Variants in ABLIM2 observed in about 807,000 individuals in gnomAD.
ABLIM2 encodes actin binding LIM protein family member 2.
Under a neutral mutation model 97.7 loss-of-function variants are expected in ABLIM2, and 53 were observed. The ratio of observed to expected loss-of-function variants is 0.54; its 90% CI spans 0.44 to 0.68. The LOEUF (loss-of-function observed/expected upper bound fraction) is 0.68. Ranked by LOEUF, ABLIM2 falls within the 30% of genes least tolerant of loss-of-function variation. The pLI, the probability that ABLIM2 is intolerant of heterozygous loss-of-function variation, is 0.00. For synonymous variants in ABLIM2, 361 were observed against 345.8 expected (o/e 1.04, Z -0.49); for missense variants, 835 against 867.2 (o/e 0.96, Z 0.47).
rs72541884 is a variant in ABLIM2 at position 8,124,599 on chromosome 4, G to A, written c.11-17962C>T. Among the ~76,000 whole-genome samples, 3 of 152,278 alleles carry A rather than the reference G, an allele frequency of 2.0e-5. No homozygotes were observed. The East Asian group carries it at 5.8e-4, about 29-fold the overall frequency. On this transcript the variant is annotated intron_variant, in intron 1 of 20. Transcript: ENST00000447017. This position sits in a 1 kb window ranked among gnomAD's most constrained non-coding sequence, Gnocchi z 6.1. ...TGGGCGTCAGTGCCTCTTTCCTTTT[G>A]ATGGCTGAGAAATATTCCGTTGTAC... is the stretch of plus-strand genomic sequence containing the variant.
At position 8,002,837 on chromosome 4, in the gene ABLIM2, C is replaced by T. The variant is rs1353439861; in HGVS notation, c.1618+5222G>A. The stretch of plus-strand genomic sequence containing the variant: ...CCCTGGGTGATGCGGAATGCTCTCC[C>T]CCATATACCGGCCCTATTCAAGTGT... On this transcript the variant is annotated intron_variant, in intron 16 of 20. Coordinates refer to ENST00000447017, the MANE Select transcript of ABLIM2 (RefSeq NM_001130083.2). The surrounding 1 kb of genome is among the most constrained non-coding windows in gnomAD (Gnocchi z 6.1). Among the ~76,000 whole-genome samples the T allele has an allele frequency of 6.6e-6, 1 of 152,224 alleles. No individual in the cohort carries two copies. Among genetic ancestry groups the T allele is most frequent in the African/African-American group, 2.4e-5 (1 of 41,448 alleles).
intron 12 of ABLIM2, chr4:8,020,573 A>C (rs1423689972): frequency 7.2e-6 from 4 of 556,510 alleles, no homozygotes; most frequent in Non-Finnish European, 1.3e-5. Flanking sequence ...TGGGCGGTGA[A>C]CTAAGAACAC....
At chr4:8,020,846 CTTTTT>C (rs34799650) in intron 12 of ABLIM2, 32 of 94,730 alleles carry the variant, frequency 3.4e-4, no homozygotes, top group Admixed American at 5.1e-4. Context: ...TTACCACATT[CTTTTT>C]TTTTTTTTTT....
At chr4:7,983,634 C>CT in intron 18 of ABLIM2, 80 bp from the exon 19 acceptor site, 1 of 1,549,216 alleles carries the variant, frequency 6.5e-7, no homozygotes, top group Non-Finnish European at 8.8e-7. Context: ...AATCCCTGCC[C>CT]TGGGGTACCC....
chr4:8,087,344 C>T lies in ABLIM2; in HGVS notation c.454+825G>A, dbSNP rs141133435. Among the ~76,000 whole-genome samples the T allele has an allele frequency of 0.011, 1,654 of 152,288 alleles. 12 individuals are homozygous for T. The highest frequency in any genetic ancestry group is 0.02 in the Middle Eastern group (6 of 294). On this transcript the variant is annotated intron_variant, in intron 4 of 20. Transcript: ENST00000447017. This position sits in a 1 kb window ranked among gnomAD's most constrained non-coding sequence, Gnocchi z 4.6. ...TGCCCACTCCTTGCTGATACTTGGCCCCACACCTGCAAACCCCTGACACTT... is the reference window on the plus strand; with the variant it reads ...TGCCCACTCCTTGCTGATACTTGGCTCCACACCTGCAAACCCCTGACACTT...
chr4:8,029,559 A>G lies in ABLIM2; in HGVS notation c.1168+97T>C, dbSNP rs917580703. ...TCATATTTCCAGTTGTATAAGAAAAATGCCACTTATAACCGAAAAAAAAAA... is the reference window on the plus strand; with the variant it reads ...TCATATTTCCAGTTGTATAAGAAAAGTGCCACTTATAACCGAAAAAAAAAA... On this transcript the variant is annotated intron_variant, in intron 11 of 20. Coordinates refer to ENST00000447017, the MANE Select transcript of ABLIM2 (RefSeq NM_001130083.2). 7 of 1,303,184 alleles carry G rather than the reference A, an allele frequency of 5.4e-6. No individual in the cohort carries two copies. The African/African-American group carries it at 1.1e-4, about 20-fold the overall frequency. 80.7% of individuals were successfully genotyped at this position (1,303,184 alleles called of 1,614,324 possible).
chr4:8,048,815 C>T (rs999644611), intron 8 of ABLIM2, among the ~76,000 whole-genome samples: 2 of 152,166 alleles, frequency 1.3e-5, no homozygotes, highest in East Asian at 3.8e-4. Context: ...AGTCCAGGCT[C>T]CCTCCACTGA....
At chr4:8,020,846 C>CTTT (rs34799650) in intron 12 of ABLIM2, 47 of 94,718 alleles carry the variant, frequency 5.0e-4, no homozygotes, top group African/African-American at 1.1e-3. Flanking sequence ...TTACCACATT[C>CTTT]TTTTTTTTTT....
At chr4:8,008,954 A>G (rs1163970704) in intron 15 of ABLIM2, 96 bp downstream of exon 15, 6 of 1,434,966 alleles carry the variant, frequency 4.2e-6, no homozygotes, top group Non-Finnish European at 5.9e-6. Flanking sequence ...ACAGAATGTA[A>G]GAGGAAGATT....
At chr4:8,088,867 G>A (rs987795135) in intron 3 of ABLIM2, among the ~76,000 whole-genome samples, 2 of 152,272 alleles carry the variant, frequency 1.3e-5, no homozygotes, top group South Asian at 4.1e-4. Flanking sequence ...ACATGGATAC[G>A]AGTCAGAACC....
At chr4:8,020,415 G>C in intron 12 of ABLIM2, 112 bp from the exon 13 acceptor site, 4 of 963,468 alleles carry the variant, frequency 4.2e-6, no homozygotes, top group Non-Finnish European at 6.4e-6. Context: ...CCTGTCTGGT[G>C]GAGCAGCCCA....
At chr4:8,045,669 T>A (rs939745265) in intron 8 of ABLIM2, among the ~76,000 whole-genome samples, 2 of 151,950 alleles carry the variant, frequency 1.3e-5, no homozygotes, top group Admixed American at 6.6e-5. Context: ...AATGAATAAA[T>A]AAATAAATAA....
intron 9 of ABLIM2, among the ~76,000 whole-genome samples, chr4:8,038,403 C>G (rs1785936427): frequency 6.6e-6 from 1 of 152,200 alleles, no homozygotes; most frequent in African/African-American, 2.4e-5. Context: ...TCAGCTCAAA[C>G]CCTCTGGGAG....
In ABLIM2 at chr4:8,097,255, C is replaced by A; in HGVS notation, c.182G>T (p.Gly61Val). ...KACGCDLAEG[G>V]FFVRQGEYIC... ...GTACTCGCCCTGCCGCACGAAGAAG[C>A]CGCCCTCGGCCAGGTCGCAGCCACA... The change falls in exon 3 of 21, where the codon GGC becomes GTC. Residue 61 changes from glycine (G) to valine (V), a missense_variant. Physicochemically the swap from Gly to Val is moderately radical, Grantham distance 109. Coordinates refer to ENST00000447017, the MANE Select transcript of ABLIM2 (RefSeq NM_001130083.2). 6.4e-7 allele frequency: 1 copy of A among 1,568,052 alleles called. No homozygotes were observed. Among genetic ancestry groups the A allele is most frequent in the Non-Finnish European group, 8.6e-7 (1 of 1,157,572 alleles).
chr4:8,062,319 C>T (rs1366432169), intron 6 of ABLIM2, among the ~76,000 whole-genome samples: 2 of 152,242 alleles, frequency 1.3e-5, no homozygotes, highest in Non-Finnish European at 2.9e-5. Context: ...CAGGGAGTAC[C>T]AGGTGCAGGG....
At chr4:8,025,822 C>T (rs990307739) in intron 12 of ABLIM2, among the ~76,000 whole-genome samples, 6 of 152,142 alleles carry the variant, frequency 3.9e-5, no homozygotes, top group African/African-American at 1.4e-4. Context: ...GTGTCCAGGG[C>T]CTCCTGGCAT....
At chr4:8,009,819 C>T (rs181822555) in intron 14 of ABLIM2, among the ~76,000 whole-genome samples, 2 of 152,164 alleles carry the variant, frequency 1.3e-5, no homozygotes, top group African/African-American at 4.8e-5. Context: ...ACCCCGCCCA[C>T]CCCCGCAGGA....
rs1849557671 is a variant in ABLIM2, at chr4:8,132,361, G to A, written c.11-25724C>T. Among the ~76,000 whole-genome samples, 1 of 152,168 alleles carries A rather than the reference G, an allele frequency of 6.6e-6. No homozygotes were observed. The highest frequency in any genetic ancestry group is 2.1e-4 in the South Asian group (1 of 4,828). On this transcript the variant is annotated intron_variant, in intron 1 of 20. Coordinates refer to ENST00000447017, the MANE Select transcript of ABLIM2 (RefSeq NM_001130083.2). This position sits in a 1 kb window ranked among gnomAD's most constrained non-coding sequence, Gnocchi z 8.0. ...GTAATGAGATCAGGCCCTGACACAT[G>A]GGACAGGTGAGAGAGATTTTCACTG...
intron 1 of ABLIM2, among the ~76,000 whole-genome samples, chr4:8,152,755 T>A (rs1713483092): frequency 6.6e-6 from 1 of 152,176 alleles, no homozygotes; most frequent in Non-Finnish European, 1.5e-5. Flanking sequence ...GTTTTCCTAT[T>A]GCAACTATTT....
Sources: allele counts gnomAD v4.1 joint callset (sites outside exome capture counted in the v4.1 genomes callset), GRCh38; gene constraint gnomAD v4.1.1; non-coding constraint Gnocchi (gnomAD v3.1); transcripts MANE v1.5; gene names NCBI Gene and HGNC (gene_info 2026-07-23, HGNC 2026-07-21).